TENM2: variants seen among roughly 807,000 people sequenced by gnomAD.
TENM2 encodes teneurin transmembrane protein 2.
In TENM2, 52 loss-of-function variants were observed where a neutral mutation model predicts 245.2. The ratio of observed to expected loss-of-function variants is 0.21; its 90% CI spans 0.17 to 0.27. TENM2 has a LOEUF of 0.27. Ranked by LOEUF, TENM2 falls within the 10% of genes least tolerant of loss-of-function variation. The probability of loss-of-function intolerance (pLI) is 1.00; values close to 1 mark genes in which losing one functional copy is unlikely to be tolerated. For missense variants in TENM2, 3,046 were observed against 3,666.8 expected, an observed-to-expected ratio of 0.83 and a Z score of 4.37; for synonymous variants, 1,363 against 1,438.9, an observed-to-expected ratio of 0.95 and a Z score of 1.19.
At chr5:167,722,407 G>C (rs1221985886) in intron 2 of TENM2, among the ~76,000 whole-genome samples, 1 of 152,166 alleles carries the variant, frequency 6.6e-6, no homozygotes, top group African/African-American at 2.4e-5. Flanking sequence ...TAAATAGATA[G>C]ATGGATACAT....
intron 2 of TENM2, among the ~76,000 whole-genome samples, chr5:167,657,739 T>C (rs1754943658): frequency 6.6e-6 from 1 of 152,250 alleles, no homozygotes. Context: ...ACATAGGCTA[T>C]ACTTTGGGTG....
chr5:167,080,033 A>G, the TENM2 span, among the ~76,000 whole-genome samples: 1 of 152,214 alleles, frequency 6.6e-6, no homozygotes, highest in Non-Finnish European at 1.5e-5. Context: ...ACAGCTTTTC[A>G]TTTGTCCTGC....
At chr5:168,046,284 G>C (rs945000699) in intron 5 of TENM2, among the ~76,000 whole-genome samples, 8 of 152,182 alleles carry the variant, frequency 5.3e-5, no homozygotes, top group Admixed American at 5.2e-4. Context: ...CCCCACATCA[G>C]ACTCCAAACG....
chr5:167,718,242 C>T (rs1759397519), intron 2 of TENM2, among the ~76,000 whole-genome samples: 2 of 152,154 alleles, frequency 1.3e-5, no homozygotes, highest in Admixed American at 1.3e-4. Flanking sequence ...CACTCCCCAT[C>T]CTGTTGCTGT....
intron 2 of TENM2, among the ~76,000 whole-genome samples, chr5:167,520,820 A>G (rs186991274): frequency 6.6e-6 from 1 of 151,288 alleles, no homozygotes; most frequent in Admixed American, 6.6e-5. Flanking sequence ...GACTTCTCTC[A>G]ATTGGGCCTT....
chr5:167,310,687 T>C (rs1406206649), intron 1 of TENM2, among the ~76,000 whole-genome samples: 1 of 152,196 alleles, frequency 6.6e-6, no homozygotes, highest in Non-Finnish European at 1.5e-5. Flanking sequence ...GGATTGAACC[T>C]GAAACAACTA....
intron 5 of TENM2, among the ~76,000 whole-genome samples, chr5:168,044,971 C>G (rs1343344463): frequency 2.7e-5 from 4 of 150,692 alleles, no homozygotes; most frequent in Non-Finnish European, 5.9e-5. Flanking sequence ...ATTTCAGACG[C>G]TCCCAAAAAA....
the TENM2 span, among the ~76,000 whole-genome samples, chr5:167,238,998 G>T: frequency 6.6e-6 from 1 of 152,144 alleles, no homozygotes; most frequent in Non-Finnish European, 1.5e-5. Context: ...TTGCATACTT[G>T]GTTCGTAAAT....
At chr5:168,230,797 C>A (rs905276418) in intron 25 of TENM2, 2 of 152,208 alleles carry the variant, frequency 1.3e-5, no homozygotes, top group Non-Finnish European at 2.9e-5. Context: ...GTGGCACCGA[C>A]TAGCTAACGG....
chr5:167,349,945 A>C (rs1466409914), intron 1 of TENM2, among the ~76,000 whole-genome samples: 1 of 152,216 alleles, frequency 6.6e-6, no homozygotes, highest in Non-Finnish European at 1.5e-5. Context: ...CTGAATATTT[A>C]GGAATACTTG....
intron 15 of TENM2, 88 bp downstream of exon 17, chr5:168,195,383 T>G: frequency 6.8e-7 from 1 of 1,466,274 alleles, no homozygotes. Context: ...AACCACAGGA[T>G]TCCCCCTGGT....
intron 3 of TENM2, among the ~76,000 whole-genome samples, chr5:167,907,500 A>C (rs568274562): frequency 7.6e-6 from 1 of 131,872 alleles, no homozygotes; most frequent in East Asian, 2.3e-4. Context: ...TTTCTGCCTT[A>C]GTAATTTTGT....
the TENM2 span, among the ~76,000 whole-genome samples, chr5:167,018,771 G>A: frequency 6.6e-6 from 1 of 152,182 alleles, no homozygotes. Context: ...TTTCAAAAGA[G>A]CAACCAGGTG....
At chr5:167,717,517 T>G (rs1193935409) in intron 2 of TENM2, among the ~76,000 whole-genome samples, 1 of 152,196 alleles carries the variant, frequency 6.6e-6, no homozygotes, top group Non-Finnish European at 1.5e-5. Flanking sequence ...CTTGAATGCT[T>G]ATTAACTTTT....
intron 3 of TENM2, among the ~76,000 whole-genome samples, chr5:167,894,577 T>G (rs1197858085): frequency 6.6e-6 from 1 of 152,124 alleles, no homozygotes. Context: ...ATGGCTGGTA[T>G]GGTCATTCAC....
At chr5:167,708,529 A>G (rs899255294) in intron 2 of TENM2, among the ~76,000 whole-genome samples, 2 of 152,092 alleles carry the variant, frequency 1.3e-5, no homozygotes, top group Non-Finnish European at 2.9e-5. Context: ...GGCATTCCTC[A>G]CTTGCAGACA....
At chr5:167,984,695 G>C (rs558234990) in intron 4 of TENM2, among the ~76,000 whole-genome samples, 2 of 152,220 alleles carry the variant, frequency 1.3e-5, no homozygotes, top group East Asian at 3.9e-4. Flanking sequence ...TTTGTAATGT[G>C]TGCATGTTAT....
intron 2 of TENM2, among the ~76,000 whole-genome samples, chr5:167,858,466 A>G (rs562998539): frequency 6.6e-6 from 1 of 152,218 alleles, no homozygotes; most frequent in Non-Finnish European, 1.5e-5. Flanking sequence ...ACTCACTTTA[A>G]GTCTTTCAGC....
At chr5:167,114,858 G>A in the TENM2 span, among the ~76,000 whole-genome samples, 27 of 152,222 alleles carry the variant, frequency 1.8e-4, no homozygotes, top group Non-Finnish European at 2.8e-4. Context: ...GAATAGTGGA[G>A]TGACATTTGA....
Sources: gnomAD v4.1 joint callset for allele counts (sites outside exome capture counted in the v4.1 genomes callset) on GRCh38, gnomAD v4.1.1 for gene constraint, MANE v1.5 for transcripts, NCBI Gene and HGNC (gene_info 2026-07-23, HGNC 2026-07-21) for gene names.